Variants in COG1 observed in about 807,000 individuals in gnomAD.
COG1 encodes conserved oligomeric Golgi complex subunit 1.
In COG1, 61 loss-of-function variants were observed where a neutral mutation model predicts 102.2. The observed-to-expected ratio is 0.60, with a 90% confidence interval of 0.49 to 0.74. The LOEUF (loss-of-function observed/expected upper bound fraction) is 0.74. Among genes scored for constraint, COG1 ranks in the 30% least tolerant of loss-of-function variants. The probability of loss-of-function intolerance (pLI) is 0.00; values close to 1 mark genes in which losing one functional copy is unlikely to be tolerated. For synonymous variants in COG1, 454 were observed against 493.6 expected, an observed-to-expected ratio of 0.92 and a Z score of 1.06; for missense variants, 1,164 against 1,232.1, an observed-to-expected ratio of 0.94 and a Z score of 0.83.
intron 9 of COG1, among the ~76,000 whole-genome samples, chr17:73,204,756 G>A (rs949751689): frequency 6.6e-6 from 1 of 151,946 alleles, no homozygotes; most frequent in African/African-American, 2.4e-5. Context: ...CAGGTTTTGC[G>A]ATTTTGCCCA....
intron 10 of COG1, chr17:73,205,900 A>G: frequency 1.4e-6 from 1 of 701,596 alleles, no homozygotes; most frequent in Non-Finnish European, 2.5e-6. Context: ...CTCTCTTCTG[A>G]GTCAGCCTAG....
chr17:73,196,406 T>C, intron 1 of COG1, 101 bp from the exon 2 acceptor site: 1 of 1,577,338 alleles, frequency 6.3e-7, no homozygotes, highest in Non-Finnish European at 8.7e-7. Context: ...TTAATAGAAG[T>C]TTTGTATCCT....
rs770075169 is a variant in COG1, at chr17:73,206,174, A to T, written c.2531A>T (p.His844Leu). The change falls in exon 11 of 14, where the codon CAC (histidine) becomes CTC (leucine). Residue 844 changes from histidine to leucine, a missense_variant. Transcript: ENST00000299886. ...CTCAGAATTGAGAAAGTGACTGACC[A>T]CCTGGAAGCCCTCATTGATCCATTT... Reference protein sequence around the residue: ...PDSRIEKVTDHLEALIDPFDL... With the variant: ...PDSRIEKVTDLLEALIDPFDL... 1.9e-6 allele frequency: 3 copies of T among 1,614,050 alleles called. No homozygotes were observed. The South Asian group carries it at 3.3e-5, about 18-fold the overall frequency.
At chr17:73,200,905 A>C in intron 6 of COG1, 129 bp downstream of exon 6, 2 of 989,342 alleles carry the variant, frequency 2.0e-6, no homozygotes, top group South Asian at 2.7e-5. Flanking sequence ...CAGAGTCTAG[A>C]GCTGAAAATA....
intron 4 of COG1, among the ~76,000 whole-genome samples, chr17:73,198,266 G>A (rs1401091972): frequency 6.6e-6 from 1 of 152,294 alleles, no homozygotes; most frequent in South Asian, 2.1e-4. Flanking sequence ...AGGTGACCAA[G>A]TTAAGTAGAA....
Position 73,201,533 on chromosome 17 carries a change from T to C in COG1, c.1706T>C (p.Met569Thr), listed in dbSNP as rs899647561. 6.2e-7 allele frequency: 1 copy of C among 1,614,250 alleles called. No homozygotes were observed. Among genetic ancestry groups the C allele is most frequent in the Non-Finnish European group, 8.5e-7 (1 of 1,180,054 alleles). ...GCAGATGCGGGGACCGTGCAGGAGA[T>C]GCTGCGGACTCAGTCCGTGGCATGC... Reference protein sequence around the residue: ...RYADAGTVQEMLRTQSVACIK... With the variant: ...RYADAGTVQETLRTQSVACIK... The change falls in exon 7 of 14, where the codon ATG becomes ACG. Residue 569 changes from methionine (M) to threonine (T), a missense_variant. Physicochemically the swap from Met to Thr is moderately conservative, Grantham distance 81. Transcript: ENST00000299886.
intron 11 of COG1, 149 bp downstream of exon 11, chr17:73,206,411 A>T: frequency 2.6e-6 from 2 of 757,238 alleles, no homozygotes. Flanking sequence ...AAGGACTGAA[A>T]GAGGATTAGA....
At chr17:73,206,066 C>A in intron 10 of COG1, 88 bp from the exon 11 acceptor site, 2 of 1,125,526 alleles carry the variant, frequency 1.8e-6, no homozygotes, top group South Asian at 1.2e-5. Context: ...TAAAACCCAA[C>A]TCCAAGATTT....
In COG1 at chr17:73,208,407, C is replaced by A; in HGVS notation, c.2899C>A (p.Pro967Thr). The change falls in exon 14 of 14, where the codon CCT (proline) becomes ACT (threonine). Residue 967 changes from proline (P) to threonine (T), a missense_variant. Physicochemically the swap from Pro to Thr is conservative, Grantham distance 38. Coordinates refer to ENST00000299886, the MANE Select transcript of COG1 (RefSeq NM_018714.3). ...CAGTGAAGAAGACAACACGTCTGCA[C>A]CTTCATTATTCAAACTTGGCTGGCT... The part of the protein sequence containing the change: ...LVSEEDNTSA[P>T]SLFKLGWLSS... The A allele has an allele frequency of 6.2e-7, 1 of 1,614,216 alleles. No individual in the cohort carries two copies. The highest frequency in any genetic ancestry group is 1.1e-5 in the South Asian group (1 of 91,088).
chr17:73,194,211 G>C (rs1426406219), intron 1 of COG1, among the ~76,000 whole-genome samples: 1 of 144,836 alleles, frequency 6.9e-6, no homozygotes, highest in Non-Finnish European at 1.5e-5. Context: ...GGGAGGCCGA[G>C]GCGGGTGGAT....
In COG1 at chr17:73,201,751, C is replaced by A. The variant is rs753382285; in HGVS notation, c.1924C>A (p.Pro642Thr). Residue 642 changes from proline (P) to threonine (T), a missense_variant, in exon 7 of 14, where the codon CCA becomes ACA. Coordinates refer to ENST00000299886, the MANE Select transcript of COG1 (RefSeq NM_018714.3). The part of the protein sequence containing the change: ...ILGKSESSEK[P>T]AREFRALRKQ... ...GGGAAAATCAGAGAGCTCAGAGAAA[C>A]CAGCAAGGGAGTTTAGGGCTCTGAG... 1.2e-6 allele frequency: 2 copies of A among 1,614,164 alleles called. No individual in the cohort carries two copies. The highest frequency in any genetic ancestry group is 1.1e-5 in the South Asian group (1 of 91,084).
intron 1 of COG1, among the ~76,000 whole-genome samples, chr17:73,195,613 CAAAAAAAAA>C (rs35060532): frequency 1.2e-5 from 1 of 82,250 alleles, no homozygotes; most frequent in African/African-American, 4.5e-5. Context: ...GATGCTGTCC[CAAAAAAAAA>C]AAAAAAAAAG....
Position 73,208,265 on chromosome 17 carries a change from G to A in COG1, c.2806-49G>A, listed in dbSNP as rs772019650. 2.0e-5 allele frequency: 33 copies of A among 1,611,348 alleles called. No homozygotes were observed. In the South Asian group the frequency reaches 3.6e-4, roughly 18 times the overall value. Reference sequence around the variant, plus strand: ...GCGTCGCGCGGAGGGCGAGTGGGCAGGAGGGCTCAGGCCAACTCTAAGGCA... The same window carrying A: ...GCGTCGCGCGGAGGGCGAGTGGGCAAGAGGGCTCAGGCCAACTCTAAGGCA... On this transcript the variant is annotated intron_variant, in intron 13 of 13. Transcript: ENST00000299886.
chr17:73,201,632 C>G lies in COG1; in HGVS notation c.1805C>G (p.Ala602Gly). The G allele has an allele frequency of 6.2e-7, 1 of 1,614,184 alleles. No individual in the cohort carries two copies. The highest frequency in any genetic ancestry group is 8.5e-7 in the Non-Finnish European group (1 of 1,180,026). ...GAGGGTGTGCAAGGGCAACAGGATGCCCTCAACAGTGCCAAGCTGCACTCA... is the reference window on the plus strand; with the variant it reads ...GAGGGTGTGCAAGGGCAACAGGATGGCCTCAACAGTGCCAAGCTGCACTCA... ...IEEGVQGQQD[A>G]LNSAKLHSVL... The change falls in exon 7 of 14, where the codon GCC becomes GGC. Residue 602 changes from alanine to glycine, a missense_variant. Coordinates refer to ENST00000299886, the MANE Select transcript of COG1 (RefSeq NM_018714.3).
intron 9 of COG1, among the ~76,000 whole-genome samples, chr17:73,204,463 T>G (rs1358774179): frequency 6.6e-6 from 1 of 152,138 alleles, no homozygotes; most frequent in Non-Finnish European, 1.5e-5. Context: ...GGTGCTTACT[T>G]ACGGGGAGTT....
At chr17:73,194,225 G>A (rs1364688201) in intron 1 of COG1, among the ~76,000 whole-genome samples, 2 of 147,966 alleles carry the variant, frequency 1.4e-5, no homozygotes, top group Admixed American at 6.8e-5. Context: ...GGTGGATCAC[G>A]AGGTCAGGAG....
At chr17:73,200,545 A>C (rs2061342569) in intron 5 of COG1, 21 bp from the exon 6 acceptor site, 1 of 1,607,526 alleles carries the variant, frequency 6.2e-7, no homozygotes, top group Non-Finnish European at 8.5e-7. Flanking sequence ...ATGGAGCCCA[A>C]AGAACATGAT....
Position 73,196,835 on chromosome 17 carries a change from T to C in COG1, c.561-65T>C, listed in dbSNP as rs991367721. The C allele has an allele frequency of 1.7e-5, 27 of 1,613,728 alleles. No individual in the cohort carries two copies. The Admixed American group carries it at 2.3e-4, about 14-fold the overall frequency. ...TTATGGCGTTTGTCTTCTTTCCTGATGTACCAAAGCTCTTTACCCAAGATG... is the reference window on the plus strand; with the variant it reads ...TTATGGCGTTTGTCTTCTTTCCTGACGTACCAAAGCTCTTTACCCAAGATG... On this transcript the variant is annotated intron_variant, in intron 2 of 13. Coordinates refer to ENST00000299886, the MANE Select transcript of COG1 (RefSeq NM_018714.3).
chr17:73,202,345 AAC>A (rs66468678), intron 7 of COG1, among the ~76,000 whole-genome samples: 77,610 of 151,614 alleles, frequency 0.51, 19,917 homozygotes, highest in East Asian at 0.6. Flanking sequence ...TCTCAAAAAA[AAC>A]TTTTTCATTC....
Sources: gnomAD v4.1 joint callset for allele counts (sites outside exome capture counted in the v4.1 genomes callset) on GRCh38, gnomAD v4.1.1 for gene constraint, MANE v1.5 for transcripts, NCBI Gene and HGNC (gene_info 2026-07-23, HGNC 2026-07-21) for gene names.